Variants in RBM20 observed in about 807,000 individuals in gnomAD.
RBM20 encodes the protein RNA-binding protein 20.
In RBM20, 51 loss-of-function variants were observed where a neutral mutation model predicts 110.1. That is an observed-to-expected ratio of 0.46 (90% CI 0.37 to 0.59). RBM20 has a LOEUF of 0.59. Ranked by LOEUF, RBM20 falls within the 20% of genes least tolerant of loss-of-function variation. RBM20 has a pLI of 0.00. For synonymous variants in RBM20, 589 were observed against 618.2 expected (o/e 0.95, Z 0.70); for missense variants, 1,512 against 1,574.9 (o/e 0.96, Z 0.68).
Position 110,821,879 on chromosome 10 carries a change from G to T in RBM20, c.3260G>T (p.Ser1087Ile). Residue 1087 changes from serine (S) to isoleucine (I), a missense_variant, in exon 11 of 14, where the codon AGC becomes ATC. Transcript: ENST00000369519. ...CEGSPLEEKA[S>I]PPIETDLQNQ... Reference sequence around the variant, plus strand: ...GGCAGCCCCCTGGAGGAGAAAGCCAGCCCCCCCATCGAAACTGACCTCCAA... The same window carrying T: ...GGCAGCCCCCTGGAGGAGAAAGCCATCCCCCCCATCGAAACTGACCTCCAA... 6.4e-7 allele frequency: 1 copy of T among 1,551,622 alleles called. No individual in the cohort carries two copies. The highest frequency in any genetic ancestry group is 8.7e-7 in the Non-Finnish European group (1 of 1,146,986).
chr10:110,834,194 C>A (rs867928102), intron 13 of RBM20, among the ~76,000 whole-genome samples: 1 of 152,206 alleles, frequency 6.6e-6, no homozygotes, highest in African/African-American at 2.4e-5. Flanking sequence ...AATGTGTCCA[C>A]GTACTGGGCG....
chr10:110,821,474 C>A lies in RBM20; in HGVS notation c.2855C>A (p.Thr952Asn). ...CPETCLCVTT[T>N]LDLDLAQDFP... ...GAAACATGTCTGTGTGTGACAACCA[C>A]CTTAGACTTAGACCTGGCCCAGGAT... is the stretch of plus-strand genomic sequence containing the variant. The change falls in exon 11 of 14, where the codon ACC becomes AAC. Residue 952 changes from threonine to asparagine, a missense_variant. Thr to Asn is a moderately conservative substitution (Grantham distance 65). Transcript: ENST00000369519. 1 of 1,551,846 alleles carries A rather than the reference C, an allele frequency of 6.4e-7. No homozygotes were observed. Among genetic ancestry groups the A allele is most frequent in the Non-Finnish European group, 8.7e-7 (1 of 1,147,022 alleles).
intron 1 of RBM20, among the ~76,000 whole-genome samples, chr10:110,652,537 A>G (rs1861966377): frequency 6.6e-6 from 1 of 152,208 alleles, no homozygotes; most frequent in Admixed American, 6.5e-5. Context: ...AGGAGTAGAC[A>G]TTTCACATTG....
intron 1 of RBM20, among the ~76,000 whole-genome samples, chr10:110,700,102 G>C (rs1049039695): frequency 2.8e-4 from 43 of 152,208 alleles, no homozygotes; most frequent in Non-Finnish European, 5.3e-4. Context: ...GACCACGCTT[G>C]ACTGTGGGTA....
chr10:110,694,609 G>A (rs548503864), intron 1 of RBM20, among the ~76,000 whole-genome samples: 139 of 152,274 alleles, frequency 9.1e-4, no homozygotes, highest in Non-Finnish European at 1.7e-3. Flanking sequence ...TACAGGAAAA[G>A]GCAAGTAGAG....
At chr10:110,664,820 T>C (rs1156369003) in intron 1 of RBM20, among the ~76,000 whole-genome samples, 2 of 152,090 alleles carry the variant, frequency 1.3e-5, no homozygotes, top group African/African-American at 2.4e-5. Flanking sequence ...TATAGGGTGC[T>C]GGGGAACCAA....
chr10:110,803,124 G>T (rs941696911), intron 7 of RBM20, among the ~76,000 whole-genome samples: 2 of 152,160 alleles, frequency 1.3e-5, no homozygotes, highest in African/African-American at 4.8e-5. Flanking sequence ...CTGGGGCAAA[G>T]AAGTTTACAT....
rs188780490 is a variant in RBM20 at position 110,683,804 on chromosome 10, T to A, written c.191+39159T>A. Among the ~76,000 whole-genome samples, 330 of 152,336 alleles carry A rather than the reference T, an allele frequency of 2.2e-3. 3 individuals carry two copies. The highest frequency in any genetic ancestry group is 7.5e-3 in the African/African-American group (311 of 41,576). On this transcript the variant is annotated intron_variant, in intron 1 of 13. Transcript: ENST00000369519. ...TTCTATTTCTATCTACAGTTGAAATTATTCTTAAGGTAACTGTATGGAAGA... is the reference window on the plus strand; with the variant it reads ...TTCTATTTCTATCTACAGTTGAAATAATTCTTAAGGTAACTGTATGGAAGA...
intron 12 of RBM20, among the ~76,000 whole-genome samples, chr10:110,824,457 GGTTTCT>G (rs1844957922): frequency 6.6e-6 from 1 of 152,140 alleles, no homozygotes; most frequent in South Asian, 2.1e-4. Context: ...GGGAGACCTG[GGTTTCT>G]GTTCTTCCTA....
chr10:110,784,405 G>A lies in RBM20; in HGVS notation c.1402G>A (p.Ala468Thr), dbSNP rs1372715634. ...GTLCASPNST[A>T]VYNPAGNEDY... Reference sequence around the variant, plus strand: ...ATTGTGTGCTTCTCCCAACAGCACAGCTGTTTATAACCCTGCTGGGAATGA... The same window carrying A: ...ATTGTGTGCTTCTCCCAACAGCACAACTGTTTATAACCCTGCTGGGAATGA... The change falls in exon 4 of 14, where the codon GCT becomes ACT. Residue 468 changes from alanine to threonine, a missense_variant. Around this residue, in one of 3 missense-constraint regions of RBM20, gnomAD observed 1,149 missense variants for 1,169.4 expected, o/e 0.98. Transcript: ENST00000369519. 2 of 1,551,328 alleles carry A rather than the reference G, an allele frequency of 1.3e-6. No homozygotes were observed. Among genetic ancestry groups the A allele is most frequent in the African/African-American group, 1.4e-5 (1 of 73,042 alleles).
intron 7 of RBM20, 122 bp downstream of exon 7, chr10:110,800,040 C>A: frequency 2.1e-6 from 2 of 953,558 alleles, no homozygotes; most frequent in Non-Finnish European, 3.2e-6. Context: ...AGAAATTACA[C>A]ACTGCCTTTG....
At chr10:110,681,190 A>T (rs937884815) in intron 1 of RBM20, among the ~76,000 whole-genome samples, 1 of 152,198 alleles carries the variant, frequency 6.6e-6, no homozygotes, top group Non-Finnish European at 1.5e-5. Context: ...CTGGTGACAG[A>T]ACTGGCCCGG....
chr10:110,648,278 G>A (rs1861897297), intron 1 of RBM20, among the ~76,000 whole-genome samples: 1 of 152,266 alleles, frequency 6.6e-6, no homozygotes, highest in South Asian at 2.1e-4. Flanking sequence ...TATTTTCAGA[G>A]CAAAGTGCTC....
intron 1 of RBM20, among the ~76,000 whole-genome samples, chr10:110,694,858 A>G (rs1294309466): frequency 6.6e-6 from 1 of 152,162 alleles, no homozygotes; most frequent in Non-Finnish European, 1.5e-5. Context: ...TTGAATTCAA[A>G]ATTCAACAAT....
At chr10:110,800,058 C>A in intron 7 of RBM20, 140 bp downstream of exon 7, 2 of 808,982 alleles carry the variant, frequency 2.5e-6, no homozygotes, top group Admixed American at 2.5e-5. Flanking sequence ...TTGAGGATCT[C>A]GAGGCAAACC....
intron 1 of RBM20, among the ~76,000 whole-genome samples, chr10:110,692,229 A>T (rs1183906506): frequency 1.3e-5 from 2 of 152,120 alleles, no homozygotes; most frequent in Non-Finnish European, 1.5e-5. Flanking sequence ...CTCTTTTTCA[A>T]GATTTCTTTG....
intron 12 of RBM20, among the ~76,000 whole-genome samples, chr10:110,825,819 C>T (rs34325686): frequency 7.4e-4 from 112 of 152,122 alleles, no homozygotes; most frequent in East Asian, 1.4e-3. Flanking sequence ...ACATTTAACC[C>T]TCTCAAAACA....
At chr10:110,716,338 G>C (rs1210387940) in intron 1 of RBM20, among the ~76,000 whole-genome samples, 2 of 152,214 alleles carry the variant, frequency 1.3e-5, no homozygotes, top group African/African-American at 2.4e-5. Context: ...CAGAGCCTCA[G>C]GGCACCTGGC....
chr10:110,733,413 G>T (rs1384185849), intron 1 of RBM20, among the ~76,000 whole-genome samples: 1 of 152,212 alleles, frequency 6.6e-6, no homozygotes, highest in Non-Finnish European at 1.5e-5. Flanking sequence ...GAGGATTGAC[G>T]ATGTGGCTTC....
Sources: gnomAD v4.1 joint callset for allele counts (sites outside exome capture counted in the v4.1 genomes callset) on GRCh38, gnomAD v4.1.1 for gene constraint, gnomAD v4.1.1 regional missense constraint, MANE v1.5 for transcripts, NCBI Gene and HGNC (gene_info 2026-07-23, HGNC 2026-07-21) for gene names.